MCTP1: variants seen among roughly 807,000 people sequenced by gnomAD.
MCTP1 encodes multiple C2 and transmembrane domain containing 1.
In MCTP1, 69 loss-of-function variants were observed where a neutral mutation model predicts 120.6. That is an observed-to-expected ratio of 0.57 (90% CI 0.47 to 0.70). MCTP1 has a LOEUF of 0.70. Ranked by LOEUF, MCTP1 falls within the 30% of genes least tolerant of loss-of-function variation. MCTP1 has a pLI of 0.00. For missense variants in MCTP1, 1,203 were observed against 1,248.8 expected, an observed-to-expected ratio of 0.96 and a Z score of 0.55; for synonymous variants, 529 against 493.1, an observed-to-expected ratio of 1.07 and a Z score of -0.96.
chr5:94,902,724 A>G (rs573379862), intron 10 of MCTP1, among the ~76,000 whole-genome samples: 1 of 152,334 alleles, frequency 6.6e-6, no homozygotes, highest in African/African-American at 2.4e-5. Flanking sequence ...ATGACTATGC[A>G]GAAGTTTTTA....
intron 1 of MCTP1, among the ~76,000 whole-genome samples, chr5:95,105,632 G>A (rs894554432): frequency 1.3e-5 from 2 of 152,098 alleles, no homozygotes; most frequent in Non-Finnish European, 2.9e-5. Flanking sequence ...CCTCTTGAGA[G>A]GAATGGAACA....
rs188447150 is a variant in MCTP1 at position 95,115,701 on chromosome 5, T to C, written c.721-98217A>G. Among the ~76,000 whole-genome samples the C allele has an allele frequency of 7.9e-5, 12 of 152,154 alleles. No homozygotes were observed. The East Asian group carries it at 2.3e-3, about 29-fold the overall frequency. ...CTTAAAGATGAGGTCGAGAAAGAGA[T>C]AGAGGTAGAAAGTTTATTCAAAGAG... is the stretch of plus-strand genomic sequence containing the variant. On this transcript the variant is annotated intron_variant, in intron 1 of 22. Transcript: ENST00000515393.
At chr5:94,994,360 G>A (rs763120824) in intron 2 of MCTP1, among the ~76,000 whole-genome samples, 21 of 152,172 alleles carry the variant, frequency 1.4e-4, no homozygotes, top group Non-Finnish European at 2.6e-4. Context: ...TTTTGTATTT[G>A]AGGAATTCCA....
At chr5:95,228,939 T>A (rs1467264698) in intron 1 of MCTP1, among the ~76,000 whole-genome samples, 1 of 152,212 alleles carries the variant, frequency 6.6e-6, no homozygotes, top group East Asian at 1.9e-4. Flanking sequence ...CGTGAAGAAC[T>A]GTGAGCCAAT....
intron 1 of MCTP1, among the ~76,000 whole-genome samples, chr5:95,123,810 C>G (rs369166030): frequency 6.6e-6 from 1 of 152,150 alleles, no homozygotes; most frequent in South Asian, 2.1e-4. Context: ...CCACTGCGCC[C>G]GGCTAATTTT....
In MCTP1 at chr5:94,837,541, T is replaced by C. The variant is rs759790261; in HGVS notation, c.2436+30792A>G. ...AGTGAAGATAATAGAGTAACTACCA[T>C]ATGAGATTGTTATTAGAGTTAAATG... On this transcript the variant is annotated intron_variant, in intron 17 of 22. Coordinates refer to ENST00000515393, the MANE Select transcript of MCTP1 (RefSeq NM_024717.7). Among the ~76,000 whole-genome samples, 29 of 152,272 alleles carry C rather than the reference T, an allele frequency of 1.9e-4. No homozygotes were observed. In the South Asian group the frequency reaches 2.5e-3, roughly 13 times the overall value.
At chr5:94,837,216 A>G (rs1251066306) in intron 17 of MCTP1, among the ~76,000 whole-genome samples, 1 of 152,040 alleles carries the variant, frequency 6.6e-6, no homozygotes, top group Admixed American at 6.6e-5. Flanking sequence ...CATCTCTACT[A>G]AAAATAAAAA....
chr5:95,074,115 CAAGAAAAAA>C (rs1369618111), intron 1 of MCTP1, among the ~76,000 whole-genome samples: 1 of 151,862 alleles, frequency 6.6e-6, no homozygotes, highest in Non-Finnish European at 1.5e-5. Context: ...GACTCCGTCT[CAAGAAAAAA>C]AAGAAAAAAA....
intron 1 of MCTP1, among the ~76,000 whole-genome samples, chr5:95,266,474 G>A (rs1758894271): frequency 6.6e-6 from 1 of 152,148 alleles, no homozygotes; most frequent in Admixed American, 6.5e-5. Flanking sequence ...AATAGAACGA[G>A]AATTACTGTT....
chr5:94,767,452 G>GA (rs1217606086), intron 19 of MCTP1, among the ~76,000 whole-genome samples: 1 of 151,650 alleles, frequency 6.6e-6, no homozygotes, highest in Non-Finnish European at 1.5e-5. Flanking sequence ...ATCCAAATTG[G>GA]AAAAAAAGGA....
rs1380220502 is a variant in MCTP1 at position 94,871,332 on chromosome 5, C to A, written c.2122G>T (p.Ala708Ser). 3.7e-6 allele frequency: 6 copies of A among 1,608,166 alleles called. No individual in the cohort carries two copies. The highest frequency in any genetic ancestry group is 5.1e-6 in the Non-Finnish European group (6 of 1,175,476). The change falls in exon 14 of 23, where the codon GCT becomes TCT. Residue 708 changes from alanine (A) to serine (S), a missense_variant. Physicochemically the swap from Ala to Ser is moderately conservative, Grantham distance 99. This residue lies in a region of MCTP1 where 740 missense variants were observed against 871.1 expected (regional missense o/e 0.85). Coordinates refer to ENST00000515393, the MANE Select transcript of MCTP1 (RefSeq NM_024717.7). The part of the protein sequence containing the change: ...DRSADFLGKV[A>S]IPLLSIQNGE... ...AAACTTACAGACAGCAATGGTATAGCAACTTTGCCCAGAAAGTCAGCACTT... is the reference window on the plus strand; with the variant it reads ...AAACTTACAGACAGCAATGGTATAGAAACTTTGCCCAGAAAGTCAGCACTT...
intron 19 of MCTP1, among the ~76,000 whole-genome samples, chr5:94,764,051 A>C (rs373342203): frequency 1.1e-4 from 16 of 152,246 alleles, no homozygotes; most frequent in African/African-American, 3.4e-4. Flanking sequence ...GTTCCATGCC[A>C]TCTTTATTCC....
chr5:94,855,653 C>T (rs571194603), intron 17 of MCTP1, among the ~76,000 whole-genome samples: 144 of 151,558 alleles, frequency 9.5e-4, no homozygotes, highest in African/African-American at 3.4e-3. Flanking sequence ...GCTGCAGCCC[C>T]GGAACAAAGC....
In MCTP1 at chr5:94,710,800, G is replaced by A. The variant is rs192909428; in HGVS notation, c.2830+18C>T. The A allele has an allele frequency of 2.0e-6, 3 of 1,535,738 alleles. No individual in the cohort carries two copies. Among genetic ancestry groups the A allele is most frequent in the African/African-American group, 2.7e-5 (2 of 73,166 alleles). On this transcript the variant is annotated intron_variant, in intron 21 of 22. Transcript: ENST00000515393. ...AGCAGCTAAGACAGTTTGGGGGAGT[G>A]GGGGAGGCTTTACTTACCCCAGACA...
chr5:95,233,576 G>A (rs1158758740), intron 1 of MCTP1, among the ~76,000 whole-genome samples: 11 of 152,056 alleles, frequency 7.2e-5, no homozygotes, highest in Non-Finnish European at 1.0e-4. Flanking sequence ...TGATCCGCCC[G>A]CCTCGGCCTC....
intron 1 of MCTP1, among the ~76,000 whole-genome samples, chr5:95,243,040 G>A (rs756831710): frequency 3.3e-5 from 5 of 152,126 alleles, no homozygotes; most frequent in Non-Finnish European, 7.4e-5. Flanking sequence ...AGCACTAGGA[G>A]GGACACAGAG....
chr5:95,251,341 A>G (rs1027634310), intron 1 of MCTP1, among the ~76,000 whole-genome samples: 1 of 152,118 alleles, frequency 6.6e-6, no homozygotes, highest in African/African-American at 2.4e-5. Flanking sequence ...TACTTCTCAT[A>G]GAAGGTGGGA....
chr5:94,849,615 G>T (rs1057367852), intron 17 of MCTP1, among the ~76,000 whole-genome samples: 1 of 152,084 alleles, frequency 6.6e-6, no homozygotes, highest in Non-Finnish European at 1.5e-5. Flanking sequence ...GGTCGATGGG[G>T]TTAAAGGAAA....
At chr5:95,256,418 C>T (rs1757894789) in intron 1 of MCTP1, among the ~76,000 whole-genome samples, 1 of 152,124 alleles carries the variant, frequency 6.6e-6, no homozygotes, top group South Asian at 2.1e-4. Context: ...CAGCAAGCAT[C>T]CAACTGGGCT....
Sources: gnomAD v4.1 joint callset for allele counts (sites outside exome capture counted in the v4.1 genomes callset) on GRCh38, gnomAD v4.1.1 for gene constraint, gnomAD v4.1.1 regional missense constraint, MANE v1.5 for transcripts, NCBI Gene and HGNC (gene_info 2026-07-23, HGNC 2026-07-21) for gene names.